ELOVL7: variants seen among roughly 807,000 people sequenced by gnomAD.
ELOVL7 encodes the protein ELOVL fatty acid elongase 7.
Under a neutral mutation model 35.7 loss-of-function variants are expected in ELOVL7, and 27 were observed. The observed-to-expected ratio is 0.76, with a 90% CI of 0.56 to 1.04. ELOVL7 has a LOEUF of 1.04. Ranked by LOEUF, ELOVL7 falls within the 50% of genes least tolerant of loss-of-function variation. The pLI is 0.00. For missense variants in ELOVL7, 327 were observed against 340.8 expected (o/e 0.96, Z 0.32); for synonymous variants, 113 against 114.6 (o/e 0.99, Z 0.09).
At chr5:60,813,403 A>T (rs957778674) in intron 1 of ELOVL7, among the ~76,000 whole-genome samples, 2 of 152,110 alleles carry the variant, frequency 1.3e-5, no homozygotes, top group African/African-American at 4.8e-5. Flanking sequence ...GGTTAATCTT[A>T]TTAAGAGAAA....
chr5:60,826,756 G>A (rs1472072824), intron 1 of ELOVL7, among the ~76,000 whole-genome samples: 1 of 152,130 alleles, frequency 6.6e-6, no homozygotes, highest in Non-Finnish European at 1.5e-5. Context: ...AGTGGGTGGA[G>A]ATTAAAAACC....
chr5:60,802,619 A>T (rs1004305891), intron 1 of ELOVL7: 7 of 152,204 alleles, frequency 4.6e-5, no homozygotes, highest in African/African-American at 1.7e-4. Flanking sequence ...TCCAGGATGT[A>T]AACTAACCTT....
chr5:60,811,367 G>C (rs1465583526), intron 1 of ELOVL7, among the ~76,000 whole-genome samples: 1 of 152,120 alleles, frequency 6.6e-6, no homozygotes, highest in Non-Finnish European at 1.5e-5. Flanking sequence ...ATTGGCTTCA[G>C]TGTCTTTTGC....
chr5:60,800,869 T>A (rs999681363), intron 1 of ELOVL7, among the ~76,000 whole-genome samples: 9 of 152,214 alleles, frequency 5.9e-5, no homozygotes, highest in Admixed American at 3.9e-4. Context: ...GAATCCTCAG[T>A]TATGGAAGGT....
At chr5:60,762,010 G>T (rs896950327) in intron 7 of ELOVL7, among the ~76,000 whole-genome samples, 3 of 152,026 alleles carry the variant, frequency 2.0e-5, no homozygotes, top group African/African-American at 7.2e-5. Flanking sequence ...GGGTCATGAT[G>T]GTAGGAGTAG....
chr5:60,766,132 G>A (rs976643506), intron 6 of ELOVL7, among the ~76,000 whole-genome samples: 1 of 152,172 alleles, frequency 6.6e-6, no homozygotes, highest in Non-Finnish European at 1.5e-5. Context: ...CAACATTCTC[G>A]TGAAAGTTTA....
At chr5:60,823,259 G>A (rs993215245) in intron 1 of ELOVL7, among the ~76,000 whole-genome samples, 1 of 152,060 alleles carries the variant, frequency 6.6e-6, no homozygotes, top group African/African-American at 2.4e-5. Context: ...TACCTCCTCC[G>A]AGAAGGAAAA....
At chr5:60,760,118 T>G (rs1478492920) in intron 7 of ELOVL7, among the ~76,000 whole-genome samples, 1 of 152,216 alleles carries the variant, frequency 6.6e-6, no homozygotes, top group Non-Finnish European at 1.5e-5. Flanking sequence ...TGTGTCTTTA[T>G]AGCAGCATGA....
At chr5:60,761,350 G>A (rs1741898452) in intron 7 of ELOVL7, among the ~76,000 whole-genome samples, 1 of 152,074 alleles carries the variant, frequency 6.6e-6, no homozygotes, top group Non-Finnish European at 1.5e-5. Flanking sequence ...CCCCATTGAG[G>A]AGTACAACAG....
chr5:60,769,468 C>A (rs1438569951), intron 4 of ELOVL7, among the ~76,000 whole-genome samples: 1 of 152,202 alleles, frequency 6.6e-6, no homozygotes, highest in Non-Finnish European at 1.5e-5. Context: ...GTAACTAGCA[C>A]TTTCAAACAA....
intron 1 of ELOVL7, among the ~76,000 whole-genome samples, chr5:60,839,256 G>T (rs1339343948): frequency 6.6e-6 from 1 of 151,816 alleles, no homozygotes; most frequent in Non-Finnish European, 1.5e-5. Flanking sequence ...GCTGAGGCAG[G>T]AGAATCACCG....
At chr5:60,828,173 AG>A (rs1746283961) in intron 1 of ELOVL7, among the ~76,000 whole-genome samples, 1 of 152,112 alleles carries the variant, frequency 6.6e-6, no homozygotes, top group East Asian at 1.9e-4. Context: ...CTTCATTAAC[AG>A]GACCCCTTTG....
intron 8 of ELOVL7, 26 bp from the exon 9 acceptor site, chr5:60,754,859 A>G: frequency 4.4e-6 from 7 of 1,594,612 alleles, no homozygotes; most frequent in Non-Finnish European, 6.0e-6. Flanking sequence ...GTGAAAAAAA[A>G]TTATTCAGAT....
chr5:60,767,408 ATCTATCCATGGACTCTTGGGTTGCT>A (rs1214646504), intron 5 of ELOVL7, among the ~76,000 whole-genome samples: 4 of 152,156 alleles, frequency 2.6e-5, no homozygotes, highest in African/African-American at 9.7e-5. Context: ...TTATCCATTT[ATCTATCCATGGACTCTTGGGTTGCT>A]TCTACCTTTT....
intron 3 of ELOVL7, among the ~76,000 whole-genome samples, chr5:60,782,766 T>A (rs557675167): frequency 5.5e-4 from 84 of 151,990 alleles, no homozygotes; most frequent in African/African-American, 1.9e-3. Context: ...ATAAGAAGAG[T>A]AGAATGGTGG....
In ELOVL7 at chr5:60,754,860, T is replaced by A. The variant is rs751368317; in HGVS notation, c.637-27A>T. The A allele has an allele frequency of 7.5e-6, 12 of 1,589,990 alleles. No homozygotes were observed. The African/African-American group carries it at 1.5e-4, about 20-fold the overall frequency. On this transcript the variant is annotated intron_variant, in intron 8 of 8. Transcript: ENST00000508821. ...TAAGAAATGAAAACGTGAAAAAAAA[T>A]TATTCAGATATGAAGAGTTAACAAT...
At chr5:60,769,809 G>A (rs1483828277) in intron 4 of ELOVL7, among the ~76,000 whole-genome samples, 1 of 152,134 alleles carries the variant, frequency 6.6e-6, no homozygotes, top group African/African-American at 2.4e-5. Context: ...TAGCACTTTG[G>A]GAGGCTCAGG....
chr5:60,810,357 G>C (rs948865612), intron 1 of ELOVL7, among the ~76,000 whole-genome samples: 2 of 152,286 alleles, frequency 1.3e-5, no homozygotes, highest in Admixed American at 1.3e-4. Flanking sequence ...ATACTGAAGG[G>C]AAAGGGAGAT....
chr5:60,818,226 T>A (rs1294329579), intron 1 of ELOVL7, among the ~76,000 whole-genome samples: 1 of 141,776 alleles, frequency 7.1e-6, no homozygotes, highest in Non-Finnish European at 1.5e-5. Flanking sequence ...GCTGAGGCAG[T>A]AGAATTGCTT....
Sources: allele counts gnomAD v4.1 joint callset (sites outside exome capture counted in the v4.1 genomes callset), GRCh38; gene constraint gnomAD v4.1.1; transcripts MANE v1.5; gene names NCBI Gene and HGNC (gene_info 2026-07-23, HGNC 2026-07-21).